Variants in BABAM2 observed in about 807,000 individuals in gnomAD.
BABAM2 encodes the protein BRISC and BRCA1 A complex member 2, also known as BRISC and BRCA1-A complex member 2.
Under a neutral mutation model 54.7 loss-of-function variants are expected in BABAM2, and 31 were observed. The ratio of observed to expected loss-of-function variants is 0.57; its 90% CI spans 0.43 to 0.77. The LOEUF (loss-of-function observed/expected upper bound fraction) is 0.77, where lower values mean the gene tolerates loss of function less well. Ranked by LOEUF, BABAM2 falls within the 30% of genes least tolerant of loss-of-function variation. The probability of loss-of-function intolerance (pLI) is 0.00; values close to 1 mark genes in which losing one functional copy is unlikely to be tolerated. For missense variants in BABAM2, 364 were observed against 455.8 expected, an observed-to-expected ratio of 0.80 and a Z score of 1.83; for synonymous variants, 167 against 162.9, an observed-to-expected ratio of 1.03 and a Z score of -0.19.
chr2:28,260,051 C>G (rs1684355460), intron 10 of BABAM2, among the ~76,000 whole-genome samples: 1 of 152,180 alleles, frequency 6.6e-6, no homozygotes, highest in South Asian at 2.1e-4. Context: ...CAGGCACATG[C>G]CACCATGCCT....
intron 6 of BABAM2, among the ~76,000 whole-genome samples, chr2:28,083,459 C>G (rs1037720523): frequency 6.6e-6 from 1 of 152,092 alleles, no homozygotes; most frequent in African/African-American, 2.4e-5. Flanking sequence ...ATTTGTGATT[C>G]TAATTTTATT....
At chr2:28,101,091 C>G (rs1355911976) in intron 6 of BABAM2, among the ~76,000 whole-genome samples, 1 of 152,192 alleles carries the variant, frequency 6.6e-6, no homozygotes, top group East Asian at 1.9e-4. Flanking sequence ...GCTACTATTA[C>G]TGATACAGCA....
At chr2:28,168,938 A>T (rs1446430336) in intron 7 of BABAM2, among the ~76,000 whole-genome samples, 2 of 152,152 alleles carry the variant, frequency 1.3e-5, no homozygotes, top group South Asian at 4.1e-4. Context: ...GAGTCCTGCT[A>T]CTTATTCCCT....
At chr2:28,288,274 G>T (rs180715535) in intron 10 of BABAM2, among the ~76,000 whole-genome samples, 76 of 151,980 alleles carry the variant, frequency 5.0e-4, no homozygotes, top group African/African-American at 1.8e-3. Flanking sequence ...GATACAAAGG[G>T]CAGGAGAGTA....
intron 3 of BABAM2, among the ~76,000 whole-genome samples, chr2:27,987,347 C>T (rs74883728): frequency 0.01 from 1,583 of 152,212 alleles, 23 homozygotes; most frequent in African/African-American, 0.036. Context: ...AATCAGTCTT[C>T]GTAAAGGCTT....
intron 6 of BABAM2, among the ~76,000 whole-genome samples, chr2:28,082,653 A>G (rs1271040105): frequency 6.6e-6 from 1 of 152,128 alleles, no homozygotes; most frequent in Non-Finnish European, 1.5e-5. Context: ...GATGGTTGCT[A>G]TTTTCATGGT....
chr2:28,105,742 A>T (rs2148715742), intron 6 of BABAM2, among the ~76,000 whole-genome samples: 2 of 152,340 alleles, frequency 1.3e-5, no homozygotes, highest in African/African-American at 4.8e-5. Flanking sequence ...TTTGGGCCTC[A>T]AATCTTGACT....
intron 6 of BABAM2, among the ~76,000 whole-genome samples, chr2:28,071,904 G>C: frequency 6.6e-6 from 1 of 152,158 alleles, no homozygotes; most frequent in Non-Finnish European, 1.5e-5. Flanking sequence ...GTTAGCTCCT[G>C]AATCCTTTTG....
At chr2:28,280,936 G>A (rs1308160766) in intron 10 of BABAM2, among the ~76,000 whole-genome samples, 4 of 152,184 alleles carry the variant, frequency 2.6e-5, no homozygotes, top group Admixed American at 6.5e-5. Context: ...TGAATGAGAA[G>A]GGGTTAGCTG....
chr2:28,295,050 A>G (rs1299878664), intron 10 of BABAM2, among the ~76,000 whole-genome samples: 1 of 152,252 alleles, frequency 6.6e-6, no homozygotes, highest in African/African-American at 2.4e-5. Context: ...TCACTTGCCC[A>G]GGTAGATACA....
intron 4 of BABAM2, among the ~76,000 whole-genome samples, chr2:27,990,277 T>C (rs367864759): frequency 6.6e-6 from 1 of 152,322 alleles, no homozygotes. Flanking sequence ...TGTTGTCTGA[T>C]TAAAACACCA....
chr2:28,121,985 T>G lies in BABAM2; in HGVS notation c.571-7286T>G, dbSNP rs943363073. 2.6e-5 allele frequency among the ~76,000 whole-genome samples: 4 copies of G among 152,028 alleles called. No homozygotes were observed. In the East Asian group the frequency reaches 7.7e-4, roughly 29 times the overall value. Reference sequence around the variant, plus strand: ...ATCCCAGCACTTTGGGAGGCCGAGGTGGGTGGATCATGAGGTCAGGAGATT... The same window carrying G: ...ATCCCAGCACTTTGGGAGGCCGAGGGGGGTGGATCATGAGGTCAGGAGATT... On this transcript the variant is annotated intron_variant, in intron 6 of 11. Coordinates refer to ENST00000379624, the MANE Select transcript of BABAM2 (RefSeq NM_199191.3).
intron 2 of BABAM2, among the ~76,000 whole-genome samples, chr2:27,898,413 G>T (rs1665512402): frequency 6.6e-6 from 1 of 152,142 alleles, no homozygotes; most frequent in East Asian, 1.9e-4. Context: ...TCCATTGATA[G>T]TCTTAAGTCT....
In BABAM2 at chr2:27,976,792, T is replaced by C. The variant is rs574845536; in HGVS notation, c.206-11201T>C. ...GTGGCTACTGGTAAGTTTAAAATTATGTATGTGGCTTGCATTATTATTTCT... is the reference window on the plus strand; with the variant it reads ...GTGGCTACTGGTAAGTTTAAAATTACGTATGTGGCTTGCATTATTATTTCT... On this transcript the variant is annotated intron_variant, in intron 3 of 11. Transcript: ENST00000379624. Among the ~76,000 whole-genome samples, 24 of 152,316 alleles carry C rather than the reference T, an allele frequency of 1.6e-4. No homozygotes were observed. In the South Asian group the frequency reaches 5.0e-3, roughly 32 times the overall value.
At chr2:27,984,497 G>T (rs1472169149) in intron 3 of BABAM2, among the ~76,000 whole-genome samples, 2 of 152,088 alleles carry the variant, frequency 1.3e-5, no homozygotes, top group African/African-American at 4.8e-5. Context: ...AGTGGCTAGG[G>T]TGAGAGGAGG....
chr2:28,211,746 A>T (rs1020068042), intron 7 of BABAM2, among the ~76,000 whole-genome samples: 11 of 152,072 alleles, frequency 7.2e-5, no homozygotes, highest in African/African-American at 1.2e-4. Context: ...ATAATATTAT[A>T]TTAAATCCAA....
At chr2:27,904,338 C>A (rs540752832) in intron 2 of BABAM2, among the ~76,000 whole-genome samples, 1 of 152,176 alleles carries the variant, frequency 6.6e-6, no homozygotes, top group African/African-American at 2.4e-5. Flanking sequence ...AATTTGCATA[C>A]TTCTTGGCCC....
intron 10 of BABAM2, among the ~76,000 whole-genome samples, chr2:28,293,585 G>A (rs1018209408): frequency 2.6e-5 from 4 of 152,210 alleles, no homozygotes; most frequent in Admixed American, 6.5e-5. Flanking sequence ...TGAGGCAACC[G>A]GTGCAGAGCT....
intron 7 of BABAM2, among the ~76,000 whole-genome samples, chr2:28,159,550 G>C (rs1274236923): frequency 1.3e-5 from 2 of 152,114 alleles, no homozygotes; most frequent in Non-Finnish European, 2.9e-5. Context: ...GGCATTTTTA[G>C]GGCACTGTGA....
Sources: gnomAD v4.1 joint callset for allele counts (sites outside exome capture counted in the v4.1 genomes callset) on GRCh38, gnomAD v4.1.1 for gene constraint, MANE v1.5 for transcripts, NCBI Gene and HGNC (gene_info 2026-07-23, HGNC 2026-07-21) for gene names.